DIS3L2: variants seen among roughly 807,000 people sequenced by gnomAD.
The protein encoded by DIS3L2 is DIS3 like 3'-5' exoribonuclease 2.
In DIS3L2, 34 loss-of-function variants were observed where a neutral mutation model predicts 97.5. That is an observed-to-expected ratio of 0.35 (90% CI 0.27 to 0.46). The LOEUF is 0.46. Among genes scored for constraint, DIS3L2 ranks in the 20% least tolerant of loss-of-function variants. DIS3L2 has a pLI of 1.00. For missense variants in DIS3L2, 1,038 were observed against 1,146.0 expected (o/e 0.91, Z 1.36); for synonymous variants, 435 against 445.2 (o/e 0.98, Z 0.29).
At chr2:232,121,377 A>G (rs968860659) in intron 6 of DIS3L2, among the ~76,000 whole-genome samples, 2 of 152,080 alleles carry the variant, frequency 1.3e-5, no homozygotes, top group Admixed American at 6.6e-5. Context: ...GATGTTCTCC[A>G]CTATTCTGTC....
chr2:232,321,799 G>A (rs532101089), intron 14 of DIS3L2, among the ~76,000 whole-genome samples: 2 of 152,268 alleles, frequency 1.3e-5, no homozygotes, highest in Admixed American at 1.3e-4. Flanking sequence ...CCCCCCCTTT[G>A]TTTCCAGGGG....
At chr2:232,254,936 G>C (rs1374924947) in intron 12 of DIS3L2, among the ~76,000 whole-genome samples, 1 of 152,186 alleles carries the variant, frequency 6.6e-6, no homozygotes, top group Non-Finnish European at 1.5e-5. Flanking sequence ...TTGTACTGTT[G>C]GTTATCCAAA....
In DIS3L2 at chr2:232,293,899, A is replaced by G. The variant is rs1694661444; in HGVS notation, c.1660-6141A>G. ...ATTAGGAGAACATAGCCAAGGGAGTAGGAAGATACATTGTGTGTCAGTGTC... is the reference window on the plus strand; with the variant it reads ...ATTAGGAGAACATAGCCAAGGGAGTGGGAAGATACATTGTGTGTCAGTGTC... On this transcript the variant is annotated intron_variant, in intron 13 of 20. Transcript: ENST00000325385. The surrounding 1 kb of genome is among the most constrained non-coding windows in gnomAD (Gnocchi z 4.6). Among the ~76,000 whole-genome samples, 1 of 152,250 alleles carries G rather than the reference A, an allele frequency of 6.6e-6. No homozygotes were observed. Among genetic ancestry groups the G allele is most frequent in the Non-Finnish European group, 1.5e-5 (1 of 68,046 alleles).
rs150540858 is a variant in DIS3L2, at chr2:232,001,774, G to C, written c.-93-13061G>C. Among the ~76,000 whole-genome samples the C allele has an allele frequency of 1.9e-3, 248 of 133,980 alleles. 2 individuals are homozygous for C. The Middle Eastern group carries it at 0.026, about 14-fold the overall frequency. 87.9% of individuals were successfully genotyped at this position (133,980 alleles called of 152,430 possible). On this transcript the variant is annotated intron_variant, in intron 1 of 20. Coordinates refer to ENST00000325385, the MANE Select transcript of DIS3L2 (RefSeq NM_152383.5). ...TTATTCTTGTCACCCAGGCTGGAGTGCAGTGGCCCAGTCTTGGGTCACTGC... is the reference window on the plus strand; with the variant it reads ...TTATTCTTGTCACCCAGGCTGGAGTCCAGTGGCCCAGTCTTGGGTCACTGC...
At chr2:231,996,090 C>T (rs1436972256) in intron 1 of DIS3L2, among the ~76,000 whole-genome samples, 1 of 152,204 alleles carries the variant, frequency 6.6e-6, no homozygotes, top group Non-Finnish European at 1.5e-5. Flanking sequence ...GTGTCAAGTG[C>T]TACAGCAAGG....
intron 14 of DIS3L2, among the ~76,000 whole-genome samples, chr2:232,311,423 C>G (rs1695129650): frequency 6.6e-6 from 1 of 152,158 alleles, no homozygotes; most frequent in Non-Finnish European, 1.5e-5. Context: ...ATGAACACAT[C>G]CATGTCAAGA....
At chr2:232,189,420 A>T (rs1691549040) in intron 9 of DIS3L2, among the ~76,000 whole-genome samples, 1 of 152,232 alleles carries the variant, frequency 6.6e-6, no homozygotes, top group African/African-American at 2.4e-5. Flanking sequence ...TGATATGCGC[A>T]ACAGCTTGGA....
intron 6 of DIS3L2, among the ~76,000 whole-genome samples, chr2:232,125,428 C>T (rs1698036008): frequency 6.6e-6 from 1 of 152,122 alleles, no homozygotes; most frequent in Admixed American, 6.5e-5. Context: ...TTTCATAGTG[C>T]CCAGTTCTTG....
chr2:232,199,185 G>A (rs997563403), intron 9 of DIS3L2, among the ~76,000 whole-genome samples: 1 of 152,140 alleles, frequency 6.6e-6, no homozygotes, highest in African/African-American at 2.4e-5. Context: ...TTGACACTAA[G>A]TAAGTGAAAT....
intron 9 of DIS3L2, among the ~76,000 whole-genome samples, chr2:232,189,234 G>A (rs747535372): frequency 1.7e-4 from 26 of 152,106 alleles, no homozygotes; most frequent in Non-Finnish European, 3.1e-4. Context: ...ATTTATCCCA[G>A]AAAAATGAAA....
At chr2:232,199,435 A>G (rs1376210626) in intron 9 of DIS3L2, among the ~76,000 whole-genome samples, 1 of 150,376 alleles carries the variant, frequency 6.6e-6, no homozygotes, top group Admixed American at 6.6e-5. Flanking sequence ...GATGCAGTGA[A>G]CTCTTCCTCT....
intron 6 of DIS3L2, among the ~76,000 whole-genome samples, chr2:232,101,741 C>T (rs11680230): frequency 0.011 from 1,713 of 152,352 alleles, 19 homozygotes; most frequent in Non-Finnish European, 0.016. Context: ...GCTACATACT[C>T]AGCATTGCTG....
At chr2:232,189,602 G>A (rs1244374344) in intron 9 of DIS3L2, among the ~76,000 whole-genome samples, 1 of 152,142 alleles carries the variant, frequency 6.6e-6, no homozygotes, top group Non-Finnish European at 1.5e-5. Flanking sequence ...GAAGAAATTG[G>A]GTGCAATTGA....
intron 9 of DIS3L2, among the ~76,000 whole-genome samples, chr2:232,199,482 C>A (rs916801899): frequency 6.6e-6 from 1 of 152,148 alleles, no homozygotes; most frequent in Non-Finnish European, 1.5e-5. Flanking sequence ...GTGGGTTTAT[C>A]TGTGTGCTTG....
Position 232,238,450 on chromosome 2 carries a change from A to G in DIS3L2, c.1205-83A>G. 6 of 1,141,608 alleles carry G rather than the reference A, an allele frequency of 5.3e-6. No individual in the cohort carries two copies. The South Asian group carries it at 5.4e-5, about 10-fold the overall frequency. 70.7% of individuals were successfully genotyped at this position (1,141,608 alleles called of 1,614,324 possible). ...GCAGGTCCTGTGGCCTCTGGGAGTG[A>G]CATACATTCTAGGAAAGGACTCCTG... On this transcript the variant is annotated intron_variant, in intron 10 of 20. Coordinates refer to ENST00000325385, the MANE Select transcript of DIS3L2 (RefSeq NM_152383.5).
At chr2:232,124,822 GAA>G (rs1278120686) in intron 6 of DIS3L2, among the ~76,000 whole-genome samples, 1 of 151,924 alleles carries the variant, frequency 6.6e-6, no homozygotes, top group Non-Finnish European at 1.5e-5. Flanking sequence ...AGCAGCTGGA[GAA>G]AAAAAAGTTT....
At chr2:232,339,566 A>T, downstream of DIS3L2, 1 of 379,030 alleles carries the variant, frequency 2.6e-6, no homozygotes, top group Non-Finnish European at 5.4e-6. Context: ...TGGTGAGCAC[A>T]TGCAGCCGAA....
intron 1 of DIS3L2, among the ~76,000 whole-genome samples, chr2:231,998,848 G>C (rs1371893432): frequency 6.6e-6 from 1 of 152,058 alleles, no homozygotes; most frequent in African/African-American, 2.4e-5. Flanking sequence ...TCTATCAGTA[G>C]GAACTTATGG....
chr2:232,111,388 T>C, intron 6 of DIS3L2: 1 of 372,322 alleles, frequency 2.7e-6, no homozygotes, highest in Non-Finnish European at 5.7e-6. Context: ...CTTTCTCATA[T>C]GTATACCGAT....
Sources: gnomAD v4.1 joint callset for allele counts (sites outside exome capture counted in the v4.1 genomes callset) on GRCh38, gnomAD v4.1.1 for gene constraint, Gnocchi (gnomAD v3.1) non-coding constraint, MANE v1.5 for transcripts, NCBI Gene and HGNC (gene_info 2026-07-23, HGNC 2026-07-21) for gene names.